The following FHL1 variants were observed in gnomAD, a reference collection of about 807,000 sequenced individuals.
FHL1 encodes four and a half LIM domains 1, also known as four and a half LIM domains protein 1.
A neutral mutation model predicts 20.3 loss-of-function variants in FHL1; 1 was observed. That is an observed-to-expected ratio of 0.05 (90% CI 0.02 to 0.23). The LOEUF (loss-of-function observed/expected upper bound fraction) is 0.23, where lower values mean the gene tolerates loss of function less well. Among genes scored for constraint, FHL1 ranks in the 10% least tolerant of loss-of-function variants. The pLI, the probability that FHL1 is intolerant of heterozygous loss-of-function variation, is 1.00. For missense variants in FHL1, 177 were observed against 234.0 expected (o/e 0.76, Z 1.59); for synonymous variants, 82 against 88.9 (o/e 0.92, Z 0.44).
chrX:136,175,934 G>A (rs2072991808), intron 2 of FHL1, among the ~76,000 whole-genome samples: 1 of 111,955 alleles, frequency 8.9e-6, no homozygotes, highest in African/African-American at 3.2e-5. Context: ...ATCACAAGCC[G>A]GATATTCTAA....
intron 1 of FHL1, among the ~76,000 whole-genome samples, chrX:136,153,046 T>C (rs2072312818): frequency 8.9e-6 from 1 of 111,786 alleles, no homozygotes; most frequent in South Asian, 3.7e-4. Context: ...AGTGACAACA[T>C]TTGGTTTTTG....
At chrX:136,183,109 C>A (rs866745096) in intron 2 of FHL1, among the ~76,000 whole-genome samples, 1,848 of 94,015 alleles carry the variant, frequency 0.02, 37 homozygotes, top group African/African-American at 0.059. Flanking sequence ...AAAAAAAAAA[C>A]AAAAAACAAA....
At chrX:136,171,997 C>G (rs2072883288) in intron 2 of FHL1, among the ~76,000 whole-genome samples, 1 of 110,754 alleles carries the variant, frequency 9.0e-6, no homozygotes, top group Non-Finnish European at 1.9e-5. Context: ...TCAAGCAATT[C>G]TCCTGCCTCA....
At chrX:136,162,982 T>C (rs1278142491) in intron 1 of FHL1, among the ~76,000 whole-genome samples, 1 of 112,211 alleles carries the variant, frequency 8.9e-6, no homozygotes, top group Non-Finnish European at 1.9e-5. Context: ...AGATGACACT[T>C]TAGTTCTCCA....
rs747594885 is a variant in FHL1 at position 136,207,868 on chromosome X, C to A, written c.456C>A (p.Ile152=). 3 of 1,210,680 alleles carry A rather than the reference C, an allele frequency of 2.5e-6. No individual in the cohort carries two copies. Among genetic ancestry groups the A allele is most frequent in the Non-Finnish European group, 3.4e-6 (3 of 895,247 alleles). The change falls in exon 4 of 6, where the codon ATC becomes ATA. Residue 152 remains isoleucine (I), a synonymous_variant. Coordinates refer to ENST00000370683, the MANE Select transcript of FHL1 (RefSeq NM_001159699.2). ...CCTGTAGTAACTGCAAGCAAGTCAT[C>A]GGGACTGGAAGCTTCTTCCCTAAAG... The part of the protein sequence containing the change: ...CFTCSNCKQV[I]GTGSFFPKGE...
upstream of FHL1, among the ~76,000 whole-genome samples, chrX:136,167,622 A>G (rs968960454): frequency 2.7e-5 from 3 of 111,562 alleles, no homozygotes; most frequent in African/African-American, 9.8e-5. Flanking sequence ...TTTTCTGGAA[A>G]GAATAGCCAG....
upstream of FHL1, among the ~76,000 whole-genome samples, chrX:136,192,976 G>T (rs2073465080): frequency 9.1e-6 from 1 of 110,038 alleles, no homozygotes; most frequent in African/African-American, 3.3e-5. Flanking sequence ...TCACTCAGGA[G>T]AAATTGTTGG....
intron 2 of FHL1, among the ~76,000 whole-genome samples, chrX:136,183,094 C>CAAAAAAAA (rs770573573): frequency 2.0e-5 from 1 of 50,436 alleles, no homozygotes. Context: ...GAGACTGTCT[C>CAAAAAAAA]AAAAAAAAAA....
chrX:136,159,799 T>C (rs1205661653), intron 1 of FHL1, among the ~76,000 whole-genome samples: 4 of 111,299 alleles, frequency 3.6e-5, no homozygotes, highest in Non-Finnish European at 7.5e-5. Flanking sequence ...TGCAGTGGAG[T>C]CCCAGATTTG....
At chrX:136,182,464 G>C (rs761868007) in intron 2 of FHL1, among the ~76,000 whole-genome samples, 16 of 112,356 alleles carry the variant, frequency 1.4e-4, no homozygotes, top group African/African-American at 5.2e-4. Flanking sequence ...GAGATGAAAG[G>C]TTCTCGTGTA....
chrX:136,146,979 C>T (rs890554355), upstream of FHL1: 3 of 322,803 alleles, frequency 9.3e-6, no homozygotes, highest in Non-Finnish European at 1.8e-5. Context: ...CGGCGTGGGC[C>T]CCGAAGCGGG....
chrX:136,161,856 C>T (rs891124924), intron 1 of FHL1, among the ~76,000 whole-genome samples: 1 of 111,979 alleles, frequency 8.9e-6, no homozygotes, highest in African/African-American at 3.2e-5. Flanking sequence ...GGCGTGGTGG[C>T]TCATGCCTGT....
At chrX:136,188,879 A>G (rs2073370990) in intron 2 of FHL1, among the ~76,000 whole-genome samples, 1 of 111,501 alleles carries the variant, frequency 9.0e-6, no homozygotes, top group South Asian at 3.8e-4. Context: ...CCTGAGCTGT[A>G]GAGTCATTTC....
At chrX:136,207,550 T>C (rs1569530406) in intron 3 of FHL1, 1 of 432,722 alleles carries the variant, frequency 2.3e-6, no homozygotes, top group East Asian at 3.9e-5. Flanking sequence ...GGTATAGAGG[T>C]GGGGGAGTGG....
chrX:136,196,821 T>C (rs745876962), upstream of FHL1: 10 of 1,165,491 alleles, frequency 8.6e-6, no homozygotes, highest in African/African-American at 5.4e-5. Flanking sequence ...CTATGTGGCC[T>C]CTCTGGCTCT....
At chrX:136,155,162 A>G (rs1305660008) in intron 1 of FHL1, among the ~76,000 whole-genome samples, 1 of 110,795 alleles carries the variant, frequency 9.0e-6, no homozygotes, top group Non-Finnish European at 1.9e-5. Flanking sequence ...GACTGCACTC[A>G]CTTTCCTTTT....
In FHL1 at chrX:136,208,441, A is replaced by G. The variant is rs1195370590; in HGVS notation, c.550-14A>G. The G allele has an allele frequency of 8.3e-7, 1 of 1,210,458 alleles. No individual in the cohort carries two copies. Among genetic ancestry groups the G allele is most frequent in the Non-Finnish European group, 1.1e-6 (1 of 894,633 alleles). The stretch of plus-strand genomic sequence containing the variant: ...TTGTTGAATCTGAATCCGGTGCTAC[A>G]CTCCCTGGTCTAGGCCATCACATCT... On this transcript the variant is annotated splice_polypyrimidine_tract_variant and intron_variant, in intron 4 of 5. Transcript: ENST00000370683.
At chrX:136,164,797 T>G (rs1421178941), upstream of FHL1, among the ~76,000 whole-genome samples, 2 of 112,128 alleles carry the variant, frequency 1.8e-5, no homozygotes, top group African/African-American at 6.5e-5. Context: ...TATGCAAAGT[T>G]GCATATATTC....
rs2074007816 is a variant in FHL1, at chrX:136,211,290, G to A, written c.*1265G>A. ...AGCTGATGCCTCATTTCTACATTCTGTCATTAGCTATTATCATCTAACGTT... is the reference window on the plus strand; with the variant it reads ...AGCTGATGCCTCATTTCTACATTCTATCATTAGCTATTATCATCTAACGTT... On this transcript the variant is annotated 3_prime_UTR_variant, in exon 6 of 6. Transcript: ENST00000370683. 1 of 315,897 alleles carries A rather than the reference G, an allele frequency of 3.2e-6. No individual in the cohort carries two copies. The highest frequency in any genetic ancestry group is 2.7e-5 in the African/African-American group (1 of 37,672). The allele number at this position is 315,897 out of a possible 1,213,427, so 26.0% of individuals were successfully genotyped here.
Sources: allele counts gnomAD v4.1 joint callset (sites outside exome capture counted in the v4.1 genomes callset), GRCh38; gene constraint gnomAD v4.1.1; transcripts MANE v1.5; gene names NCBI Gene and HGNC (gene_info 2026-07-23, HGNC 2026-07-21).